The following DMXL1 variants were observed in gnomAD, a reference collection of about 807,000 sequenced individuals.
The protein encoded by DMXL1 is dmX-like protein 1.
In DMXL1, 99 loss-of-function variants were observed where a neutral mutation model predicts 319.2. The ratio of observed to expected loss-of-function variants is 0.31; its 90% CI spans 0.26 to 0.37. DMXL1 has a LOEUF of 0.37. DMXL1 is among the 10% of genes least tolerant of loss of function. The pLI, the probability that DMXL1 is intolerant of heterozygous loss-of-function variation, is 1.00. For synonymous variants in DMXL1, 1,385 were observed against 1,235.2 expected, an observed-to-expected ratio of 1.12 and a Z score of -2.54; for missense variants, 3,745 against 3,595.6, an observed-to-expected ratio of 1.04 and a Z score of -1.06.
chr5:119,213,684 C>T (rs1287222883), intron 34 of DMXL1, among the ~76,000 whole-genome samples: 1 of 152,088 alleles, frequency 6.6e-6, no homozygotes, highest in Non-Finnish European at 1.5e-5. Flanking sequence ...CTCTGTGATC[C>T]TTTCCCCGTG....
intron 34 of DMXL1, among the ~76,000 whole-genome samples, chr5:119,212,551 T>TG (rs1259704413): frequency 1.3e-5 from 2 of 152,216 alleles, no homozygotes; most frequent in African/African-American, 4.8e-5. Context: ...TTCAGTTTTT[T>TG]GGGGTATATA....
chr5:119,083,388 C>G (rs1167443220), intron 1 of DMXL1, among the ~76,000 whole-genome samples: 1 of 152,096 alleles, frequency 6.6e-6, no homozygotes, highest in Non-Finnish European at 1.5e-5. Context: ...TTTTCATCCA[C>G]TGATGGGCAC....
rs764989768 is a variant in DMXL1, at chr5:119,118,809, C to T, written c.744-6C>T. On this transcript the variant is annotated splice_polypyrimidine_tract_variant and splice_region_variant and intron_variant, in intron 7 of 43. Transcript: ENST00000539542. The stretch of plus-strand genomic sequence containing the variant: ...TTTTTGCTTCTAAAATCTTTTCATT[C>T]CTTAGGGCTTCTGTATGTAATGTAC... 1.9e-6 allele frequency: 3 copies of T among 1,582,314 alleles called. No individual in the cohort carries two copies. Among genetic ancestry groups the T allele is most frequent in the African/African-American group, 1.4e-5 (1 of 73,538 alleles).
chr5:119,174,655 T>G (rs747618156), intron 25 of DMXL1, among the ~76,000 whole-genome samples: 5 of 152,242 alleles, frequency 3.3e-5, no homozygotes, highest in African/African-American at 4.8e-5. Flanking sequence ...CTAGCTGAAG[T>G]TTCTCCTTCA....
intron 34 of DMXL1, among the ~76,000 whole-genome samples, chr5:119,208,155 A>G (rs148431684): frequency 8.6e-5 from 13 of 150,750 alleles, no homozygotes; most frequent in East Asian, 1.9e-4. Context: ...TCAGTTAACA[A>G]TTTTCCTTGC....
rs1765329228 is a variant in DMXL1 at position 119,133,292 on chromosome 5, G to A, written c.1476G>A (p.Met492Ile). ...CTGAATGGAGTAAAAATGCAGATATGCTATTTAGTATTCATCCCATGGATG... is the reference window on the plus strand; with the variant it reads ...CTGAATGGAGTAAAAATGCAGATATACTATTTAGTATTCATCCCATGGATG... Reference protein sequence around the residue: ...LLSEWSKNADMLFSIHPMDGS... With the variant: ...LLSEWSKNADILFSIHPMDGS... Residue 492 changes from methionine (M) to isoleucine (I), a missense_variant, in exon 11 of 44, where the codon ATG becomes ATA. Physicochemically the swap from Met to Ile is conservative, Grantham distance 10. Coordinates refer to ENST00000539542, the MANE Select transcript of DMXL1 (RefSeq NM_001290321.3). 1 of 1,614,058 alleles carries A rather than the reference G, an allele frequency of 6.2e-7. No homozygotes were observed. The highest frequency in any genetic ancestry group is 8.5e-7 in the Non-Finnish European group (1 of 1,179,990).
chr5:119,218,520 G>A (rs375948201), intron 35 of DMXL1, among the ~76,000 whole-genome samples: 11 of 152,014 alleles, frequency 7.2e-5, no homozygotes, highest in East Asian at 3.9e-4. Context: ...GCAGTGGCGC[G>A]ATCTTGGCTT....
intron 1 of DMXL1, among the ~76,000 whole-genome samples, chr5:119,089,911 C>G (rs768343417): frequency 3.6e-4 from 55 of 150,976 alleles, no homozygotes; most frequent in Non-Finnish European, 6.2e-4. Context: ...CAGACTTGAG[C>G]CACTGCACCC....
chr5:119,099,182 T>TTTG (rs1554089518), intron 2 of DMXL1, among the ~76,000 whole-genome samples: 2 of 98,530 alleles, frequency 2.0e-5, no homozygotes, highest in African/African-American at 1.0e-4. Context: ...TGGGTTTTTT[T>TTTG]TTTGTTTTTT....
chr5:119,167,970 C>G (rs1773768448), intron 23 of DMXL1, 106 bp downstream of exon 23: 3 of 1,103,216 alleles, frequency 2.7e-6, no homozygotes, highest in Non-Finnish European at 3.7e-6. Flanking sequence ...AAATTGAATT[C>G]ATGGTCTTTA....
intron 10 of DMXL1, 141 bp from the exon 11 acceptor site, chr5:119,132,985 GAGGTGT>G: frequency 1.5e-6 from 1 of 677,790 alleles, no homozygotes. Flanking sequence ...TGTGTAGGGT[GAGGTGT>G]GGCGGAAGGG....
rs1220908651 is a variant in DMXL1, at chr5:119,218,344, G to A, written c.8013+1357G>A. Among the ~76,000 whole-genome samples, 8 of 152,088 alleles carry A rather than the reference G, an allele frequency of 5.3e-5. No homozygotes were observed. The South Asian group carries it at 1.4e-3, about 28-fold the overall frequency. ...TATATATAAGTACTGGTAATGAATA[G>A]CTATTCACATATATAAAGTCTACAA... On this transcript the variant is annotated intron_variant, in intron 35 of 43. Transcript: ENST00000539542.
intron 6 of DMXL1, 119 bp from the exon 7 acceptor site, chr5:119,116,039 C>T: frequency 6.9e-6 from 6 of 867,940 alleles, no homozygotes; most frequent in Non-Finnish European, 1.0e-5. Flanking sequence ...CCTCTGTGCT[C>T]AACGTCTCTT....
At chr5:119,231,828 G>A (rs1786791011) in intron 38 of DMXL1, among the ~76,000 whole-genome samples, 2 of 152,190 alleles carry the variant, frequency 1.3e-5, no homozygotes, top group South Asian at 2.1e-4. Flanking sequence ...TAAGCATCTA[G>A]TTAGAAGTTA....
intron 5 of DMXL1, among the ~76,000 whole-genome samples, chr5:119,113,834 A>G (rs927964847): frequency 2.6e-5 from 4 of 152,234 alleles, no homozygotes; most frequent in Admixed American, 1.3e-4. Context: ...TCCTCTTTGG[A>G]TATCTTTATA....
Position 119,170,987 on chromosome 5 carries a change from G to C in DMXL1, c.6196G>C (p.Glu2066Gln). The change falls in exon 24 of 44, where the codon GAG (glutamate) becomes CAG (glutamine). Residue 2066 changes from glutamate (E) to glutamine (Q), a missense_variant. Glu to Gln is a conservative substitution (Grantham distance 29, BLOSUM62 2). Around this residue, in one of 4 missense-constraint regions of DMXL1, gnomAD observed 1,382 missense variants for 1,269.5 expected, o/e 1.09. Transcript: ENST00000539542. ...RYQLYHWLEK[E>Q]VIALQRTCDF... ...CCAACTATACCACTGGCTTGAAAAA[G>C]AGGTGATAGCTCTTCAGAGGACTTG... 6.2e-7 allele frequency: 1 copy of C among 1,613,932 alleles called. No homozygotes were observed. Among genetic ancestry groups the C allele is most frequent in the Non-Finnish European group, 8.5e-7 (1 of 1,179,920 alleles).
rs188474597 is a variant in DMXL1, at chr5:119,088,797, A to G, written c.88-9182A>G. Among the ~76,000 whole-genome samples the G allele has an allele frequency of 2.5e-3, 375 of 152,266 alleles. 2 individuals carry two copies. Among genetic ancestry groups the G allele is most frequent in the African/African-American group, 8.3e-3 (346 of 41,566 alleles). ...TGCTATACTCACATTTTTGGCTTTC[A>G]GTTGTCTTAATTTGCCTGTTTTTAT... is the stretch of plus-strand genomic sequence containing the variant. On this transcript the variant is annotated intron_variant, in intron 1 of 43. Coordinates refer to ENST00000539542, the MANE Select transcript of DMXL1 (RefSeq NM_001290321.3).
At position 119,233,445 on chromosome 5, in the gene DMXL1, G is replaced by A. The variant is rs909770749; in HGVS notation, c.8444G>A (p.Arg2815Lys). ...SGGNSRVTRM[R>K]FNYQGNKFGI... ...GGCAATTCAAGAGTTACAAGAATGA[G>A]ATTTAACTATCAGGGAAATAAGGTA... The change falls in exon 39 of 44, where the codon AGA (arginine) becomes AAA (lysine). Residue 2815 changes from arginine (R) to lysine (K), a missense_variant. Transcript: ENST00000539542. The A allele has an allele frequency of 6.2e-7, 1 of 1,611,216 alleles. No individual in the cohort carries two copies. The highest frequency in any genetic ancestry group is 1.3e-5 in the African/African-American group (1 of 74,926).
At chr5:119,072,019 A>G (rs1749712075) in intron 1 of DMXL1, among the ~76,000 whole-genome samples, 1 of 152,102 alleles carries the variant, frequency 6.6e-6, no homozygotes, top group East Asian at 1.9e-4. Context: ...ATTTAGGAAT[A>G]GTGGAGATTG....
Sources: allele counts gnomAD v4.1 joint callset (sites outside exome capture counted in the v4.1 genomes callset), GRCh38; gene constraint gnomAD v4.1.1; regional missense constraint gnomAD v4.1.1; transcripts MANE v1.5; gene names NCBI Gene and HGNC (gene_info 2026-07-23, HGNC 2026-07-21).